The following C2orf42 variants were observed in gnomAD, a reference collection of about 807,000 sequenced individuals.
The protein encoded by C2orf42 is chromosome 2 open reading frame 42.
A neutral mutation model predicts 58.9 loss-of-function variants in C2orf42; 44 were observed. The observed-to-expected ratio is 0.75, with a 90% confidence interval of 0.59 to 0.96. C2orf42 has a LOEUF of 0.96. Among genes scored for constraint, C2orf42 ranks in the 40% least tolerant of loss-of-function variants. The pLI, the probability that C2orf42 is intolerant of heterozygous loss-of-function variation, is 0.00. For missense variants in C2orf42, 630 were observed against 699.2 expected (o/e 0.90, Z 1.12); for synonymous variants, 239 against 265.4 (o/e 0.90, Z 0.97).
At chr2:70,176,378 C>T (rs1484818505) in intron 4 of C2orf42, among the ~76,000 whole-genome samples, 1 of 152,044 alleles carries the variant, frequency 6.6e-6, no homozygotes, top group Non-Finnish European at 1.5e-5. Context: ...GTGGCAGGTG[C>T]CTGTAGTCCC....
At chr2:70,154,562 C>G (rs1410756204) in intron 9 of C2orf42, among the ~76,000 whole-genome samples, 1 of 150,444 alleles carries the variant, frequency 6.6e-6, no homozygotes, top group Non-Finnish European at 1.5e-5. Flanking sequence ...GACACAAATA[C>G]AACAGGAATT....
intron 5 of C2orf42, 131 bp downstream of exon 5, chr2:70,175,542 C>T: frequency 1.4e-6 from 1 of 707,608 alleles, no homozygotes; most frequent in African/African-American, 1.7e-5. Flanking sequence ...CAGGAGGGAC[C>T]TCAGCCTCAG....
chr2:70,169,743 T>C, intron 5 of C2orf42, 82 bp from the exon 6 acceptor site: 1 of 712,546 alleles, frequency 1.4e-6, no homozygotes. Context: ...TTTGAAAAAG[T>C]TAACAAGTTT....
chr2:70,168,794 C>T (rs1673590596), intron 6 of C2orf42, among the ~76,000 whole-genome samples: 1 of 148,660 alleles, frequency 6.7e-6, no homozygotes, highest in Admixed American at 6.7e-5. Flanking sequence ...CTCACTGCAA[C>T]CTCCGCCTCC....
At chr2:70,178,955 T>G (rs1248706637) in intron 4 of C2orf42, among the ~76,000 whole-genome samples, 2 of 150,678 alleles carry the variant, frequency 1.3e-5, no homozygotes, top group African/African-American at 4.9e-5. Context: ...AATGTGTGTG[T>G]GGGTGTGTGT....
In C2orf42 at chr2:70,169,546, A is replaced by C. The variant is rs1673650295; in HGVS notation, c.1144+11T>G. On this transcript the variant is annotated intron_variant, in intron 6 of 9. Transcript: ENST00000264434. The stretch of plus-strand genomic sequence containing the variant: ...TTTCAGCAAGAGCCCAGTTAGATGA[A>C]CAATACTTACCATCAAACTGATAGT... The C allele has an allele frequency of 5.0e-6, 7 of 1,387,224 alleles. No homozygotes were observed. The highest frequency in any genetic ancestry group is 7.2e-6 in the Non-Finnish European group (7 of 974,018). 85.9% of individuals were successfully genotyped at this position (1,387,224 alleles called of 1,614,324 possible).
chr2:70,158,177 C>T (rs113505598), intron 9 of C2orf42, among the ~76,000 whole-genome samples: 3 of 146,264 alleles, frequency 2.1e-5, no homozygotes, highest in African/African-American at 7.6e-5. Context: ...CCAGCCTGAG[C>T]GACAGAGTGA....
chr2:70,189,425 A>T (rs1675176459), intron 1 of C2orf42, among the ~76,000 whole-genome samples: 3 of 140,840 alleles, frequency 2.1e-5, no homozygotes, highest in Non-Finnish European at 4.5e-5. Context: ...AAAAAAAAAA[A>T]AAAAAAAATG....
Position 70,181,209 on chromosome 2 carries a change from C to G in C2orf42, c.777G>C (p.Glu259Asp), listed in dbSNP as rs1558683842. ...AGTCTGAGAATTCCTGAGCCAGTGT[C>G]TCATCACTGGCAAAGGCACAGATGC... is the stretch of plus-strand genomic sequence containing the variant. ...FACICAFASD[E>D]TLAQEFSDFL... The change falls in exon 3 of 10, where the codon GAG becomes GAC. Residue 259 changes from glutamate (E) to aspartate (D), a missense_variant. Glu to Asp is a conservative substitution (Grantham distance 45). Coordinates refer to ENST00000264434, the MANE Select transcript of C2orf42 (RefSeq NM_017880.3). 3.1e-6 allele frequency: 5 copies of G among 1,590,848 alleles called. No homozygotes were observed. In the East Asian group the frequency reaches 9.0e-5, roughly 29 times the overall value.
Position 70,166,092 on chromosome 2 carries a change from T to C in C2orf42, c.1145-457A>G, listed in dbSNP as rs955922144. On this transcript the variant is annotated intron_variant, in intron 6 of 9. Transcript: ENST00000264434. ...TTTTAGTAGAGATGGGGTTTCACCA[T>C]GTTGGCCAGGCTGGTCTCAAACTCC... is the stretch of plus-strand genomic sequence containing the variant. Among the ~76,000 whole-genome samples, 9 of 151,976 alleles carry C rather than the reference T, an allele frequency of 5.9e-5. No homozygotes were observed. In the East Asian group the frequency reaches 1.8e-3, roughly 30 times the overall value.
chr2:70,172,223 CA>C (rs1171174664), intron 5 of C2orf42, among the ~76,000 whole-genome samples: 2,396 of 58,208 alleles, frequency 0.041, 134 homozygotes, highest in Admixed American at 0.22. Context: ...GACTCTGTCT[CA>C]AAAAAAAAAA....
chr2:70,185,846 A>G (rs1292109683), intron 1 of C2orf42, among the ~76,000 whole-genome samples: 1 of 151,896 alleles, frequency 6.6e-6, no homozygotes, highest in Non-Finnish European at 1.5e-5. Flanking sequence ...AATAAGATGC[A>G]TAGCAGGGTT....
chr2:70,185,370 T>C (rs1212560199), intron 1 of C2orf42, among the ~76,000 whole-genome samples: 3 of 151,284 alleles, frequency 2.0e-5, no homozygotes, highest in Non-Finnish European at 4.4e-5. Flanking sequence ...ATCACGCCAT[T>C]GCACTCCAGC....
At position 70,150,336 on chromosome 2, in the gene C2orf42, GATT is replaced by G; in HGVS notation, c.*17_*19del. 1 of 1,603,850 alleles carries G rather than the reference GATT, an allele frequency of 6.2e-7. No individual in the cohort carries two copies. Among genetic ancestry groups the G allele is most frequent in the South Asian group, 1.1e-5 (1 of 90,870 alleles). On this transcript the variant is annotated 3_prime_UTR_variant, in exon 10 of 10. Transcript: ENST00000264434. ...GGGATGTGCAAATTAAGCAGCAAAA[GATT>G]ATTATCTTGTTTTGCTTTAAGGGAA...
chr2:70,187,187 G>C (rs548664341), intron 1 of C2orf42, among the ~76,000 whole-genome samples: 1 of 152,180 alleles, frequency 6.6e-6, no homozygotes, highest in Admixed American at 6.5e-5. Context: ...TGGTGCTGTA[G>C]CTTTAGCATA....
chr2:70,180,926 G>C (rs900859980), intron 3 of C2orf42, among the ~76,000 whole-genome samples: 1 of 146,104 alleles, frequency 6.8e-6, no homozygotes, highest in Non-Finnish European at 1.5e-5. Flanking sequence ...TCTCGAGCCT[G>C]GGAGGTCAAG....
In C2orf42 at chr2:70,165,580, T is replaced by C; in HGVS notation, c.1200A>G (p.Gln400=). ...HIPQSFFDAL[Q]QRISIGSAKK... Reference sequence around the variant, plus strand: ...TTGCACTTCCTATAGATATTCTTTGTTGCAGGGCATCAAAAAATGACTGAG... The same window carrying C: ...TTGCACTTCCTATAGATATTCTTTGCTGCAGGGCATCAAAAAATGACTGAG... The change falls in exon 7 of 10, where the codon CAA becomes CAG. Residue 400 remains glutamine, a synonymous_variant. Transcript: ENST00000264434. The C allele has an allele frequency of 1.9e-6, 3 of 1,613,332 alleles. No individual in the cohort carries two copies. Among genetic ancestry groups the C allele is most frequent in the Non-Finnish European group, 2.5e-6 (3 of 1,179,282 alleles).
chr2:70,168,477 A>G lies in C2orf42; in HGVS notation c.1144+1080T>C, dbSNP rs1331734423. ...TAATTTTTTTGTATTTTTAGTAGAG[A>G]TGGGGTTTCACTGTGTTAGCCAGGA... On this transcript the variant is annotated intron_variant, in intron 6 of 9. Coordinates refer to ENST00000264434, the MANE Select transcript of C2orf42 (RefSeq NM_017880.3). Among the ~76,000 whole-genome samples the G allele has an allele frequency of 5.3e-5, 8 of 150,284 alleles. No individual in the cohort carries two copies. The Admixed American group carries it at 5.3e-4, about 10-fold the overall frequency.
At chr2:70,160,926 C>A in intron 8 of C2orf42, 139 bp from the exon 9 acceptor site, 1 of 590,886 alleles carries the variant, frequency 1.7e-6, no homozygotes, top group Non-Finnish European at 2.9e-6. Flanking sequence ...CCCTGTTTTT[C>A]AAGAAAATCC....
Sources: gnomAD v4.1 joint callset for allele counts (sites outside exome capture counted in the v4.1 genomes callset) on GRCh38, gnomAD v4.1.1 for gene constraint, MANE v1.5 for transcripts, NCBI Gene and HGNC (gene_info 2026-07-23, HGNC 2026-07-21) for gene names.